Variants in TMEM175 observed in about 807,000 individuals in gnomAD.
TMEM175 encodes transmembrane protein 175.
In TMEM175, 36 loss-of-function variants were observed where a neutral mutation model predicts 36.5. The observed-to-expected ratio is 0.99, with a 90% confidence interval of 0.76 to 1.30. The LOEUF (loss-of-function observed/expected upper bound fraction) is 1.30. Among genes scored for constraint, TMEM175 ranks in the 50% most tolerant of loss-of-function variants. The pLI is 0.00. For missense variants in TMEM175, 705 were observed against 692.8 expected (o/e 1.02, Z -0.20); for synonymous variants, 339 against 313.4 (o/e 1.08, Z -0.86).
chr4:956,449 T>G (rs1729664310), intron 10 of TMEM175: 6 of 1,275,156 alleles, frequency 4.7e-6, no homozygotes, highest in Non-Finnish European at 6.1e-6. Flanking sequence ...TGGGGTTTTT[T>G]TTTTTTTTTT....
At chr4:946,757 G>A (rs1372631955) in intron 1 of TMEM175, among the ~76,000 whole-genome samples, 1 of 152,224 alleles carries the variant, frequency 6.6e-6, no homozygotes, top group East Asian at 1.9e-4. Flanking sequence ...GCGGACTGGA[G>A]TGCCTGCCCT....
chr4:951,956 C>A, intron 6 of TMEM175: 1 of 597,478 alleles, frequency 1.7e-6, no homozygotes, highest in South Asian at 2.0e-5. Context: ...CCACCCGGCC[C>A]TGAGCCCACA....
At chr4:953,677 G>A (rs1288199334) in intron 8 of TMEM175, among the ~76,000 whole-genome samples, 2 of 152,230 alleles carry the variant, frequency 1.3e-5, no homozygotes, top group Non-Finnish European at 2.9e-5. Flanking sequence ...GGGTGCATGC[G>A]TTTTCTTGTT....
Position 951,715 on chromosome 4 carries a change from A to C in TMEM175, c.376A>C (p.Thr126Pro), listed in dbSNP as rs1449672514. Reference sequence around the variant, plus strand: ...GATGACCATCACCTTCCTGCCTTACACGGTGAGCAACACCAGGCCCCTGAC... The same window carrying C: ...GATGACCATCACCTTCCTGCCTTACCCGGTGAGCAACACCAGGCCCCTGAC... ...CMMTITFLPY[T>P]FSLMVTFPDV... Residue 126 changes from threonine (T) to proline (P), a missense_variant and splice_region_variant, in exon 6 of 11, where the codon ACG becomes CCG. Transcript: ENST00000264771. The C allele has an allele frequency of 1.2e-6, 2 of 1,613,972 alleles. No homozygotes were observed. Among genetic ancestry groups the C allele is most frequent in the Non-Finnish European group, 8.5e-7 (1 of 1,179,964 alleles).
intron 1 of TMEM175, among the ~76,000 whole-genome samples, chr4:943,503 C>T (rs1031612354): frequency 1.1e-4 from 17 of 152,330 alleles, no homozygotes; most frequent in Admixed American, 6.5e-4. Flanking sequence ...CTGCCCGCCT[C>T]GGCCTCCCAA....
At chr4:952,628 C>CTG (rs35529704) in intron 7 of TMEM175, among the ~76,000 whole-genome samples, 178 bp downstream of exon 7, 1,657 of 114,870 alleles carry the variant, frequency 0.014, 27 homozygotes, top group East Asian at 0.043. Context: ...GGGTCCTGTG[C>CTG]TGTGTGTGTG....
At position 957,867 on chromosome 4, in the gene TMEM175, A is replaced by G; in HGVS notation, c.886A>G (p.Ser296Gly). Residue 296 changes from serine to glycine, a missense_variant, in exon 11 of 11, where the codon AGC (serine) becomes GGC (glycine). Transcript: ENST00000264771. Reference sequence around the variant, plus strand: ...CCCCAAGGATGTGAAGGAGAGGTTCAGCGGCAGCCTCGTGGCCGCCCTGAG... The same window carrying G: ...CCCCAAGGATGTGAAGGAGAGGTTCGGCGGCAGCCTCGTGGCCGCCCTGAG... ...PDPKDVKERF[S>G]GSLVAALSAT... The G allele has an allele frequency of 1.2e-6, 2 of 1,612,558 alleles. No homozygotes were observed. Among genetic ancestry groups the G allele is most frequent in the South Asian group, 2.2e-5 (2 of 91,014 alleles).
chr4:949,370 G>A (rs1436369452), intron 3 of TMEM175, among the ~76,000 whole-genome samples: 1 of 152,188 alleles, frequency 6.6e-6, no homozygotes, highest in Non-Finnish European at 1.5e-5. Flanking sequence ...GAGGGTCTGA[G>A]TCTCAGAAAG....
intron 1 of TMEM175, among the ~76,000 whole-genome samples, chr4:943,392 C>T (rs557359282): frequency 6.6e-6 from 1 of 152,288 alleles, no homozygotes; most frequent in African/African-American, 2.4e-5. Flanking sequence ...GCTGGGATTA[C>T]AGGTGTGTGC....
chr4:952,866 T>G (rs1729124346), intron 7 of TMEM175, among the ~76,000 whole-genome samples: 1 of 151,950 alleles, frequency 6.6e-6, no homozygotes, highest in Non-Finnish European at 1.5e-5. Context: ...GGATGTGGCA[T>G]GCCCAGAGTC....
chr4:950,830 TGGTGTGGATGGTGCAGTAGGCGGA>T (rs1553907162), intron 4 of TMEM175, among the ~76,000 whole-genome samples: 1 of 101,672 alleles, frequency 9.8e-6, no homozygotes, highest in African/African-American at 4.3e-5. Flanking sequence ...GAGGTGTGGA[TGGTGTGGATGGTGCAGTAGGCGGA>T]GGTGTGGACG....
chr4:952,312 TG>T, intron 6 of TMEM175, 54 bp from the exon 7 acceptor site: 2 of 1,519,704 alleles, frequency 1.3e-6, no homozygotes, highest in Non-Finnish European at 9.1e-7. Context: ...TTCCAGGCTC[TG>T]GGGCCTGGTA....
chr4:938,152 C>G (rs1233785957), intron 1 of TMEM175, among the ~76,000 whole-genome samples: 1 of 152,212 alleles, frequency 6.6e-6, no homozygotes, highest in East Asian at 1.9e-4. Flanking sequence ...GCTGTCTGAT[C>G]TCACCACTTC....
intron 4 of TMEM175, 64 bp from the exon 5 acceptor site, chr4:951,141 AGT>A (rs889798484): frequency 1.4e-6 from 2 of 1,387,196 alleles, no homozygotes; most frequent in Non-Finnish European, 2.1e-6. Flanking sequence ...TGCTGGAAAG[AGT>A]GTGTGTGCAT....
intron 2 of TMEM175, 99 bp from the exon 3 acceptor site, chr4:948,016 AG>A (rs780911763): frequency 6.2e-7 from 1 of 1,608,572 alleles, no homozygotes; most frequent in African/African-American, 1.3e-5. Flanking sequence ...CAGGCAGCTT[AG>A]GGGGGCCCAG....
At chr4:952,708 T>C (rs946468878) in intron 7 of TMEM175, among the ~76,000 whole-genome samples, 2 of 150,596 alleles carry the variant, frequency 1.3e-5, no homozygotes, top group Non-Finnish European at 3.0e-5. Flanking sequence ...TGTGTGTGTG[T>C]GTGCGTGTGT....
At position 939,858 on chromosome 4, in the gene TMEM175, T is replaced by C. The variant is rs142365191; in HGVS notation, c.-32+7318T>C. 2.4e-3 allele frequency among the ~76,000 whole-genome samples: 372 copies of C among 152,330 alleles called. 1 individual carries two copies. The highest frequency in any genetic ancestry group is 8.7e-3 in the African/African-American group (361 of 41,576). ...AAATGTTCTGTGAGATTTTTAGCCA[T>C]GACACTAAAAGCTTGATCCCATGAA... On this transcript the variant is annotated intron_variant, in intron 1 of 10. Transcript: ENST00000264771.
At position 953,249 on chromosome 4, in the gene TMEM175, C is replaced by G; in HGVS notation, c.522C>G (p.Arg174=). The part of the protein sequence containing the change: ...FPHLLSPQIQ[R]SAHRALYRRH... ...ACCTGCTGAGCCCGCAGATCCAGCGCTCTGCCCACAGGGCTCTGTACCGAC... is the reference window on the plus strand; with the variant it reads ...ACCTGCTGAGCCCGCAGATCCAGCGGTCTGCCCACAGGGCTCTGTACCGAC... Residue 174 remains arginine, a synonymous_variant, in exon 8 of 11, where the codon CGC becomes CGG. Coordinates refer to ENST00000264771, the MANE Select transcript of TMEM175 (RefSeq NM_032326.4). 1 of 1,613,994 alleles carries G rather than the reference C, an allele frequency of 6.2e-7. No homozygotes were observed.
chr4:949,678 A>T (rs1386849373), intron 3 of TMEM175, among the ~76,000 whole-genome samples: 1 of 145,190 alleles, frequency 6.9e-6, no homozygotes, highest in African/African-American at 2.9e-5. Flanking sequence ...TTCTGTTGGG[A>T]GCGTTCGTGG....
Sources: gnomAD v4.1 joint callset for allele counts (sites outside exome capture counted in the v4.1 genomes callset) on GRCh38, gnomAD v4.1.1 for gene constraint, MANE v1.5 for transcripts, NCBI Gene and HGNC (gene_info 2026-07-23, HGNC 2026-07-21) for gene names.